Variants in UNC13C observed in about 807,000 individuals in gnomAD.
UNC13C encodes the protein protein unc-13 homolog C.
Under a neutral mutation model 245.4 loss-of-function variants are expected in UNC13C, and 174 were observed. The ratio of observed to expected loss-of-function variants is 0.71; its 90% CI spans 0.63 to 0.80. The LOEUF (loss-of-function observed/expected upper bound fraction) is 0.80, where lower values mean the gene tolerates loss of function less well. Among genes scored for constraint, UNC13C ranks in the 30% least tolerant of loss-of-function variants. The pLI is 0.00. For synonymous variants in UNC13C, 992 were observed against 895.1 expected, an observed-to-expected ratio of 1.11 and a Z score of -1.93; for missense variants, 2,829 against 2,602.9, an observed-to-expected ratio of 1.09 and a Z score of -1.89.
At chr15:53,946,540 G>T in the UNC13C span, among the ~76,000 whole-genome samples, 1 of 151,346 alleles carries the variant, frequency 6.6e-6, no homozygotes, top group South Asian at 2.1e-4. Flanking sequence ...GGCCAATATG[G>T]TGAAACCCTG....
chr15:53,972,890 T>C, the UNC13C span: 7 of 152,170 alleles, frequency 4.6e-5, no homozygotes, highest in Non-Finnish European at 1.0e-4. Flanking sequence ...CTTTCCAATA[T>C]TGAACAAGAT....
chr15:54,226,623 C>T (rs1332503992), intron 4 of UNC13C, among the ~76,000 whole-genome samples: 1 of 152,182 alleles, frequency 6.6e-6, no homozygotes, highest in African/African-American at 2.4e-5. Flanking sequence ...AAGGACAAGC[C>T]AGGTGCAGAG....
At chr15:54,158,257 T>G (rs1595924419) in intron 4 of UNC13C, among the ~76,000 whole-genome samples, 1 of 152,274 alleles carries the variant, frequency 6.6e-6, no homozygotes, top group East Asian at 1.9e-4. Context: ...ACTTTGATGT[T>G]TGAATGAATA....
chr15:54,051,015 T>G, intron 2 of UNC13C: 1 of 409,156 alleles, frequency 2.4e-6, no homozygotes, highest in Non-Finnish European at 4.9e-6. Context: ...CATAGTGACT[T>G]CTTGACTATT....
At chr15:53,899,540 T>G in the UNC13C span, among the ~76,000 whole-genome samples, 2 of 152,318 alleles carry the variant, frequency 1.3e-5, no homozygotes, top group East Asian at 1.9e-4. Flanking sequence ...TGCAAACTTT[T>G]TAGTCACTGT....
At chr15:54,349,051 G>A (rs2038922492) in intron 17 of UNC13C, among the ~76,000 whole-genome samples, 1 of 149,394 alleles carries the variant, frequency 6.7e-6, no homozygotes, top group African/African-American at 2.4e-5. Context: ...ATAACTTAGA[G>A]TTAATATGTT....
chr15:54,627,283 T>C lies in UNC13C; in HGVS notation c.*170T>C. On this transcript the variant is annotated 3_prime_UTR_variant, in exon 33 of 33. Transcript: ENST00000260323. Reference sequence around the variant, plus strand: ...GAACTTTTATACCAATTCTGGTCTTTGGGAAATCAGTGTTCCATGAAGTGC... The same window carrying C: ...GAACTTTTATACCAATTCTGGTCTTCGGGAAATCAGTGTTCCATGAAGTGC... 1.6e-6 allele frequency: 1 copy of C among 638,700 alleles called. No individual in the cohort carries two copies. The highest frequency in any genetic ancestry group is 2.4e-6 in the Non-Finnish European group (1 of 410,382). The allele number at this position is 638,700 out of a possible 1,614,324, so 39.6% of individuals were successfully genotyped here.
intron 2 of UNC13C, chr15:54,048,585 A>G (rs1164135523): frequency 6.4e-5 from 25 of 390,724 alleles, no homozygotes; most frequent in Non-Finnish European, 1.1e-4. Flanking sequence ...AAACTTATCA[A>G]TTTCGCCAAT....
intron 1 of UNC13C, among the ~76,000 whole-genome samples, chr15:53,988,056 C>T (rs1894224389): frequency 6.6e-6 from 1 of 151,986 alleles, no homozygotes; most frequent in African/African-American, 2.4e-5. Flanking sequence ...TTCTCTCCCT[C>T]ACCATCCAGG....
chr15:54,269,793 C>A (rs528800610), intron 10 of UNC13C, among the ~76,000 whole-genome samples: 2 of 152,184 alleles, frequency 1.3e-5, no homozygotes, highest in South Asian at 4.1e-4. Context: ...ATGTTGTGTG[C>A]CTGGTTTCCT....
At chr15:54,372,148 A>C (rs1407688320) in intron 17 of UNC13C, among the ~76,000 whole-genome samples, 3 of 152,170 alleles carry the variant, frequency 2.0e-5, no homozygotes, top group Non-Finnish European at 4.4e-5. Context: ...TATATTAAAA[A>C]GCTTGATTTA....
At chr15:54,111,000 G>A (rs569425266) in intron 2 of UNC13C, among the ~76,000 whole-genome samples, 7 of 152,274 alleles carry the variant, frequency 4.6e-5, no homozygotes, top group East Asian at 1.9e-4. Context: ...CATACCAGTC[G>A]ATTACTCTTA....
chr15:54,038,126 T>TATATA (rs1566966494), intron 2 of UNC13C, among the ~76,000 whole-genome samples: 4 of 51,838 alleles, frequency 7.7e-5, no homozygotes, highest in South Asian at 6.0e-4. Flanking sequence ...ATATATATAT[T>TATATA]TTTTTTTTTT....
intron 17 of UNC13C, among the ~76,000 whole-genome samples, chr15:54,360,534 C>T (rs1343361285): frequency 6.6e-6 from 1 of 152,020 alleles, no homozygotes; most frequent in Non-Finnish European, 1.5e-5. Context: ...GTATTGACCC[C>T]TTTATCATTA....
At chr15:54,463,265 C>CGGGGGGGGGGGGGGG (rs559539986) in intron 19 of UNC13C, among the ~76,000 whole-genome samples, 1 of 26,210 alleles carries the variant, frequency 3.8e-5, no homozygotes, top group Non-Finnish European at 5.9e-5. Flanking sequence ...AGAATGTGGG[C>CGGGGGGGGGGGGGGG]GGGGGGGGGG....
intron 2 of UNC13C, among the ~76,000 whole-genome samples, chr15:54,112,175 A>G (rs1900812506): frequency 6.6e-6 from 1 of 152,206 alleles, no homozygotes; most frequent in Non-Finnish European, 1.5e-5. Context: ...AACATCATTC[A>G]TCTGGGATAA....
intron 30 of UNC13C, among the ~76,000 whole-genome samples, chr15:54,568,719 G>A (rs1897622105): frequency 6.6e-6 from 1 of 152,110 alleles, no homozygotes; most frequent in African/African-American, 2.4e-5. Flanking sequence ...ATAAAAGTAA[G>A]TAAGAAGACA....
At chr15:54,413,375 T>C (rs1251949610) in intron 18 of UNC13C, among the ~76,000 whole-genome samples, 1 of 152,134 alleles carries the variant, frequency 6.6e-6, no homozygotes, top group African/African-American at 2.4e-5. Flanking sequence ...ACTCTTATTA[T>C]ATCACTTATA....
At chr15:54,382,870 G>A (rs531942194) in intron 17 of UNC13C, among the ~76,000 whole-genome samples, 2 of 152,160 alleles carry the variant, frequency 1.3e-5, no homozygotes, top group African/African-American at 4.8e-5. Flanking sequence ...GAGACATTAT[G>A]ACTGATATTT....
Sources: gnomAD v4.1 joint callset for allele counts (sites outside exome capture counted in the v4.1 genomes callset) on GRCh38, gnomAD v4.1.1 for gene constraint, MANE v1.5 for transcripts, NCBI Gene and HGNC (gene_info 2026-07-23, HGNC 2026-07-21) for gene names.